LRRC56: variants seen among roughly 807,000 people sequenced by gnomAD.
The protein encoded by LRRC56 is leucine-rich repeat-containing protein 56.
Under a neutral mutation model 47.8 loss-of-function variants are expected in LRRC56, and 41 were observed. That is an observed-to-expected ratio of 0.86 (90% CI 0.67 to 1.11). The LOEUF (loss-of-function observed/expected upper bound fraction) is 1.11. Among genes scored for constraint, LRRC56 ranks in the 50% most tolerant of loss-of-function variants. LRRC56 has a pLI of 0.00. For missense variants in LRRC56, 759 were observed against 704.2 expected (o/e 1.08, Z -0.88); for synonymous variants, 387 against 311.2 (o/e 1.24, Z -2.56).
At chr11:516,355 T>C in the LRRC56 span, among the ~76,000 whole-genome samples, 71 of 151,642 alleles carry the variant, frequency 4.7e-4, no homozygotes, top group African/African-American at 1.5e-3. Flanking sequence ...ATCGTACCAC[T>C]GCACTCCAGC....
At chr11:526,734 G>T in the LRRC56 span, among the ~76,000 whole-genome samples, 6 of 150,560 alleles carry the variant, frequency 4.0e-5, no homozygotes, top group African/African-American at 1.5e-4. Context: ...GTCAGGAGTT[G>T]GAGACCAGCC....
chr11:512,910 G>T, the LRRC56 span, among the ~76,000 whole-genome samples: 12 of 152,188 alleles, frequency 7.9e-5, no homozygotes, highest in Non-Finnish European at 1.5e-5. Flanking sequence ...AACAGGCCAG[G>T]CATGGTGGGA....
the LRRC56 span, among the ~76,000 whole-genome samples, chr11:525,946 G>A: frequency 4.1e-4 from 62 of 151,628 alleles, no homozygotes; most frequent in African/African-American, 1.3e-3. Context: ...CTATAATCCC[G>A]GCATGATCCT....
upstream of LRRC56, chr11:534,019 G>C (rs2133992732): frequency 2.0e-6 from 3 of 1,502,898 alleles, no homozygotes; most frequent in Admixed American, 3.3e-5. Context: ...CCTCTCCCTG[G>C]TACCTCTCAT....
At chr11:523,390 T>C in the LRRC56 span, among the ~76,000 whole-genome samples, 1 of 150,440 alleles carries the variant, frequency 6.6e-6, no homozygotes, top group Non-Finnish European at 1.5e-5. Flanking sequence ...CCCAGCACTT[T>C]GGGAGGCTGA....
At chr11:508,645 T>A in the LRRC56 span, among the ~76,000 whole-genome samples, 71 of 151,432 alleles carry the variant, frequency 4.7e-4, no homozygotes, top group African/African-American at 1.7e-3. Context: ...TGGGCACCTG[T>A]AATTCCAGCT....
At chr11:525,551 G>GA in the LRRC56 span, among the ~76,000 whole-genome samples, 184 of 122,732 alleles carry the variant, frequency 1.5e-3, no homozygotes, top group African/African-American at 3.5e-3. Context: ...CTGTCTCAAA[G>GA]AAAAAAAAAA....
At chr11:550,841 G>A (rs2134062804) in intron 8 of LRRC56, among the ~76,000 whole-genome samples, 1 of 152,248 alleles carries the variant, frequency 6.6e-6, no homozygotes, top group Middle Eastern at 3.4e-3. Context: ...CTGCTCCGTG[G>A]GCCAGAGCCC....
the LRRC56 span, among the ~76,000 whole-genome samples, chr11:518,850 G>A: frequency 2.2e-3 from 331 of 152,148 alleles, 1 homozygote; most frequent in African/African-American, 7.2e-3. Context: ...CCGAACGCGC[G>A]AGCGAGGCCG....
the LRRC56 span, among the ~76,000 whole-genome samples, chr11:513,853 A>G: frequency 2.6e-3 from 395 of 151,264 alleles, no homozygotes; most frequent in Non-Finnish European, 4.4e-3. Flanking sequence ...AAATTGCCAC[A>G]GCCACCTCAG....
At chr11:534,096 G>C, upstream of LRRC56, 2 of 1,169,800 alleles carry the variant, frequency 1.7e-6, no homozygotes, top group Non-Finnish European at 2.5e-6. Context: ...GAGGAAGCAG[G>C]AGACAGGGCC....
At chr11:536,975 G>GGCGGGCGGCAGCGTGTCCC (rs1312180616), upstream of LRRC56, 1 of 152,196 alleles carries the variant, frequency 6.6e-6, no homozygotes, top group Non-Finnish European at 1.5e-5. Flanking sequence ...GCGACTGGAC[G>GGCGGGCGGCAGCGTGTCCC]GCGGGCGGCA....
the LRRC56 span, among the ~76,000 whole-genome samples, chr11:511,103 C>G: frequency 6.6e-6 from 1 of 152,006 alleles, no homozygotes; most frequent in Non-Finnish European, 1.5e-5. Flanking sequence ...GGGCGGATCA[C>G]AAGGTCAGGA....
the LRRC56 span, among the ~76,000 whole-genome samples, chr11:511,976 CT>C: frequency 6.6e-6 from 1 of 151,944 alleles, no homozygotes; most frequent in Non-Finnish European, 1.5e-5. Flanking sequence ...TGGAGTCTTA[CT>C]TTGTCACCCA....
chr11:531,421 A>G, the LRRC56 span, among the ~76,000 whole-genome samples: 63 of 152,286 alleles, frequency 4.1e-4, no homozygotes, highest in East Asian at 4.8e-3. Flanking sequence ...ATGACCACAC[A>G]GGGGACTGAG....
intron 3 of LRRC56, 32 bp from the exon 4 acceptor site, chr11:540,642 C>G: frequency 6.3e-7 from 1 of 1,586,524 alleles, no homozygotes; most frequent in Non-Finnish European, 8.6e-7. Flanking sequence ...GGAGCAACAG[C>G]GTGGAGCTTT....
At chr11:516,943 G>A in the LRRC56 span, among the ~76,000 whole-genome samples, 11 of 152,240 alleles carry the variant, frequency 7.2e-5, no homozygotes, top group East Asian at 1.4e-3. Flanking sequence ...TCCCTGCCCC[G>A]GGCTCCCATG....
At chr11:535,600 T>C (rs1362510022), upstream of LRRC56, 1 of 150,872 alleles carries the variant, frequency 6.6e-6, no homozygotes, top group Non-Finnish European at 1.5e-5. Flanking sequence ...CCCGCGCCCG[T>C]CCGTCTGCCA....
chr11:543,382 T>G (rs146436269), intron 5 of LRRC56, among the ~76,000 whole-genome samples: 7,335 of 150,552 alleles, frequency 0.049, 343 homozygotes, highest in East Asian at 0.16. Context: ...GCCCGAGTAA[T>G]TTTTGTATTT....
Sources: allele counts gnomAD v4.1 joint callset (sites outside exome capture counted in the v4.1 genomes callset), GRCh38; gene constraint gnomAD v4.1.1; transcripts MANE v1.5; gene names NCBI Gene and HGNC (gene_info 2026-07-23, HGNC 2026-07-21).